The following CPNE4 variants were observed in gnomAD, a reference collection of about 807,000 sequenced individuals.
The protein encoded by CPNE4 is copine 4, also known as copine-4.
In CPNE4, 25 loss-of-function variants were observed where a neutral mutation model predicts 67.9. That is an observed-to-expected ratio of 0.37 (90% CI 0.27 to 0.51). The LOEUF (loss-of-function observed/expected upper bound fraction) is 0.51, where lower values mean the gene tolerates loss of function less well. Ranked by LOEUF, CPNE4 falls within the 20% of genes least tolerant of loss-of-function variation. CPNE4 has a pLI of 0.93. For missense variants in CPNE4, 464 were observed against 690.8 expected, an observed-to-expected ratio of 0.67 and a Z score of 3.68; for synonymous variants, 242 against 244.9, an observed-to-expected ratio of 0.99 and a Z score of 0.11.
intron 1 of CPNE4, among the ~76,000 whole-genome samples, chr3:131,950,932 G>C (rs371244242): frequency 6.6e-6 from 1 of 152,300 alleles, no homozygotes; most frequent in Non-Finnish European, 1.5e-5. Context: ...AAGAGACTGA[G>C]CATCTCATAG....
chr3:131,792,747 A>G (rs1376158603), intron 2 of CPNE4, among the ~76,000 whole-genome samples: 9 of 137,204 alleles, frequency 6.6e-5, no homozygotes, highest in South Asian at 2.3e-4. Context: ...GTATATATGT[A>G]TATATATACA....
intron 2 of CPNE4, among the ~76,000 whole-genome samples, chr3:131,739,018 C>G (rs13092439): frequency 0.33 from 49,879 of 151,788 alleles, 8,452 homozygotes; most frequent in African/African-American, 0.41. Context: ...CCACACAGGG[C>G]TAATTTTTGT....
intron 3 of CPNE4, among the ~76,000 whole-genome samples, chr3:131,708,307 G>C (rs547411423): frequency 6.6e-6 from 1 of 152,290 alleles, no homozygotes; most frequent in East Asian, 1.9e-4. Flanking sequence ...AGATGGCAAG[G>C]GGTGTGGAGA....
chr3:131,947,399 C>T (rs531871020), intron 1 of CPNE4, among the ~76,000 whole-genome samples: 2 of 152,106 alleles, frequency 1.3e-5, no homozygotes, highest in African/African-American at 2.4e-5. Context: ...CTCCCACCCC[C>T]CAATAGGCCC....
intron 7 of CPNE4, among the ~76,000 whole-genome samples, chr3:131,617,267 G>C (rs1240141896): frequency 6.6e-6 from 1 of 152,186 alleles, no homozygotes; most frequent in African/African-American, 2.4e-5. Flanking sequence ...ATTCATGGTA[G>C]TATTGCTTTT....
intron 2 of CPNE4, among the ~76,000 whole-genome samples, chr3:131,879,810 T>A (rs2107714276): frequency 6.6e-6 from 1 of 152,296 alleles, no homozygotes; most frequent in East Asian, 1.9e-4. Flanking sequence ...ATTCCCCTGT[T>A]GAGGTCAGAC....
chr3:131,563,717 A>G (rs533232195), intron 11 of CPNE4, among the ~76,000 whole-genome samples: 1 of 152,164 alleles, frequency 6.6e-6, no homozygotes, highest in East Asian at 1.9e-4. Context: ...GCCTCTGGCT[A>G]CGTGATAGTG....
chr3:131,889,480 G>A (rs1405785812), intron 2 of CPNE4, among the ~76,000 whole-genome samples: 1 of 152,170 alleles, frequency 6.6e-6, no homozygotes, highest in Non-Finnish European at 1.5e-5. Flanking sequence ...AAGTCATTTA[G>A]CAAACTAATT....
chr3:131,765,310 G>C (rs1299538344), intron 2 of CPNE4, among the ~76,000 whole-genome samples: 2 of 152,094 alleles, frequency 1.3e-5, no homozygotes, highest in Non-Finnish European at 2.9e-5. Context: ...GGAACAACCA[G>C]AAGTAATTTA....
At chr3:131,819,522 A>ACACACACACG (rs2084881251) in intron 2 of CPNE4, among the ~76,000 whole-genome samples, 1 of 151,100 alleles carries the variant, frequency 6.6e-6, no homozygotes, top group East Asian at 2.0e-4. Flanking sequence ...ACACACACAC[A>ACACACACACG]CGCACAGTTT....
chr3:131,882,477 T>G (rs529315989), intron 2 of CPNE4, among the ~76,000 whole-genome samples: 1 of 152,296 alleles, frequency 6.6e-6, no homozygotes, highest in African/African-American at 2.4e-5. Flanking sequence ...CACATTGGTA[T>G]GATCGTTCCA....
chr3:131,608,930 T>C (rs1939662791), intron 7 of CPNE4, among the ~76,000 whole-genome samples: 1 of 152,202 alleles, frequency 6.6e-6, no homozygotes, highest in South Asian at 2.1e-4. Context: ...TCTTTCCTAC[T>C]TATGTCAGGG....
At chr3:131,718,309 T>G (rs2081789441) in intron 3 of CPNE4, among the ~76,000 whole-genome samples, 1 of 152,242 alleles carries the variant, frequency 6.6e-6, no homozygotes, top group Non-Finnish European at 1.5e-5. Flanking sequence ...AATATACACA[T>G]CCAATCTTGT....
rs548508781 is a variant in CPNE4, at chr3:131,880,855, T to C, written c.180+24409A>G. The stretch of plus-strand genomic sequence containing the variant: ...GTTGCTTTGAACACAAGATGCGTTA[T>C]AATAGATTTTTCTTTGCTTAGCCAA... On this transcript the variant is annotated intron_variant, in intron 2 of 15. Transcript: ENST00000429747. 2.6e-5 allele frequency among the ~76,000 whole-genome samples: 4 copies of C among 152,358 alleles called. No homozygotes were observed. In the South Asian group the frequency reaches 8.3e-4, roughly 32 times the overall value.
chr3:131,882,165 C>G (rs961878889), intron 2 of CPNE4, among the ~76,000 whole-genome samples: 2 of 151,064 alleles, frequency 1.3e-5, no homozygotes, highest in African/African-American at 4.9e-5. Context: ...CACACACAAC[C>G]TACATCTCTC....
At chr3:131,739,187 A>G (rs956271665) in intron 2 of CPNE4, among the ~76,000 whole-genome samples, 5 of 152,224 alleles carry the variant, frequency 3.3e-5, no homozygotes, top group African/African-American at 1.2e-4. Context: ...CTGCAGAGCC[A>G]AACAAACCAG....
intron 2 of CPNE4, among the ~76,000 whole-genome samples, chr3:131,851,075 TG>T (rs2086223397): frequency 6.8e-6 from 1 of 146,614 alleles, no homozygotes; most frequent in Non-Finnish European, 1.5e-5. Context: ...GGGAATGTAC[TG>T]AAAAAATGTG....
intron 14 of CPNE4, among the ~76,000 whole-genome samples, chr3:131,544,479 A>G (rs928297837): frequency 9.2e-5 from 14 of 152,194 alleles, no homozygotes; most frequent in Middle Eastern, 3.2e-3. Flanking sequence ...TTCCATGTCC[A>G]TTAACTAACC....
intron 1 of CPNE4, among the ~76,000 whole-genome samples, chr3:131,981,161 T>A (rs1194487419): frequency 6.6e-6 from 1 of 152,116 alleles, no homozygotes; most frequent in Non-Finnish European, 1.5e-5. Flanking sequence ...ATTTTTGTGC[T>A]GGTTGGCCTC....
Sources: gnomAD v4.1 joint callset for allele counts (sites outside exome capture counted in the v4.1 genomes callset) on GRCh38, gnomAD v4.1.1 for gene constraint, MANE v1.5 for transcripts, NCBI Gene and HGNC (gene_info 2026-07-23, HGNC 2026-07-21) for gene names.